REV1: variants seen among roughly 807,000 people sequenced by gnomAD.
REV1 encodes the protein REV1 DNA directed polymerase.
REV1 carries 42 observed loss-of-function variants against 137.4 expected under a neutral mutation model. The observed-to-expected ratio is 0.31, with a 90% CI of 0.24 to 0.40. REV1 has a LOEUF of 0.40. Among genes scored for constraint, REV1 ranks in the 10% least tolerant of loss-of-function variants. The probability of loss-of-function intolerance (pLI) is 1.00; values close to 1 mark genes in which losing one functional copy is unlikely to be tolerated. For missense variants in REV1, 1,282 were observed against 1,490.1 expected (o/e 0.86, Z 2.30); for synonymous variants, 524 against 519.2 (o/e 1.01, Z -0.12).
chr2:99,421,427 C>A, intron 11 of REV1, 72 bp downstream of exon 11: 1 of 1,436,270 alleles, frequency 7.0e-7, no homozygotes, highest in Non-Finnish European at 9.4e-7. Context: ...AAAAGAAAAA[C>A]TCCATAAAAT....
chr2:99,421,742 T>C, intron 10 of REV1, 89 bp from the exon 11 acceptor site: 2 of 1,345,064 alleles, frequency 1.5e-6, no homozygotes, highest in South Asian at 3.1e-5. Context: ...TATCCTCTCT[T>C]TTTTCTATTT....
intron 20 of REV1, 33 bp from the exon 21 acceptor site, chr2:99,402,833 T>C (rs201461170): frequency 6.2e-7 from 1 of 1,613,700 alleles, no homozygotes; most frequent in East Asian, 2.2e-5. Flanking sequence ...AATTGCTATA[T>C]TCACACATTA....
Position 99,487,318 on chromosome 2 carries a change from G to A in REV1, c.-11+2499C>T, listed in dbSNP as rs1687257780. Among the ~76,000 whole-genome samples, 2 of 51,626 alleles carry A rather than the reference G, an allele frequency of 3.9e-5. 1 individual carries two copies. The highest frequency in any genetic ancestry group is 8.6e-5 in the Non-Finnish European group (2 of 23,180). The allele number at this position is 51,626 out of a possible 152,430, so 33.9% of individuals were successfully genotyped here. ...ACAGGATGCTTTTAGAGGACACTAA[G>A]CAAGAAAGTGACAATCTGATTTACA... is the stretch of plus-strand genomic sequence containing the variant. On this transcript the variant is annotated intron_variant, in intron 1 of 22. Transcript: ENST00000258428.
Position 99,406,448 on chromosome 2 carries a change from G to C in REV1, c.2491C>G (p.Pro831Ala). ...GATGGGCGACTGGGACATGTGGAAG[G>C]GTTCAGATTAGTTGGAACCAACTGA... The part of the protein sequence containing the change: ...VNQLVPTNLN[P>A]STCPSRPSVQ... Residue 831 changes from proline (P) to alanine (A), a missense_variant, in exon 16 of 23, where the codon CCT becomes GCT. Transcript: ENST00000258428. The C allele has an allele frequency of 6.2e-7, 1 of 1,612,886 alleles. No homozygotes were observed. Among genetic ancestry groups the C allele is most frequent in the African/African-American group, 1.3e-5 (1 of 74,954 alleles).
At chr2:99,422,677 G>C (rs1312413239) in intron 10 of REV1, among the ~76,000 whole-genome samples, 1 of 152,154 alleles carries the variant, frequency 6.6e-6, no homozygotes, top group African/African-American at 2.4e-5. Flanking sequence ...ATTTCCCAAG[G>C]GTGGTAGAAG....
At chr2:99,481,390 TA>T (rs895345534) in intron 1 of REV1, among the ~76,000 whole-genome samples, 15 of 152,064 alleles carry the variant, frequency 9.9e-5, no homozygotes, top group South Asian at 2.1e-4. Flanking sequence ...ATTGTATCAA[TA>T]AAAAAAATGT....
At chr2:99,441,126 A>G (rs1461905964) in intron 5 of REV1, among the ~76,000 whole-genome samples, 1 of 93,786 alleles carries the variant, frequency 1.1e-5, no homozygotes, top group Non-Finnish European at 2.8e-5. Context: ...AAAGCTACGT[A>G]TTCTGTGAAA....
intron 8 of REV1, among the ~76,000 whole-genome samples, chr2:99,431,119 A>G (rs1680066459): frequency 6.6e-6 from 1 of 152,054 alleles, no homozygotes; most frequent in African/African-American, 2.4e-5. Context: ...GGCTTAAACA[A>G]CTCTTCCTGG....
chr2:99,426,789 G>A (rs1288501941), intron 9 of REV1, among the ~76,000 whole-genome samples: 1 of 152,150 alleles, frequency 6.6e-6, no homozygotes, highest in Non-Finnish European at 1.5e-5. Flanking sequence ...AGTGTATGCT[G>A]CAAAAACAGC....
Position 99,424,209 on chromosome 2 carries a change from G to A in REV1, c.1619C>T (p.Pro540Leu). 6.2e-7 allele frequency: 1 copy of A among 1,613,870 alleles called. No individual in the cohort carries two copies. Among genetic ancestry groups the A allele is most frequent in the African/African-American group, 1.3e-5 (1 of 75,016 alleles). ...TTCCTTATATGCATGAAAATCGTAT[G>A]GAACAGCTTGAAGATTAGGACATAG... ...KQLCPNLQAV[P>L]YDFHAYKEVA... The change falls in exon 10 of 23, where the codon CCA (proline) becomes CTA (leucine). Residue 540 changes from proline to leucine, a missense_variant. This residue lies in a region of REV1 where 372 missense variants were observed against 482.3 expected (regional missense o/e 0.77). Transcript: ENST00000258428.
intron 3 of REV1, among the ~76,000 whole-genome samples, chr2:99,458,072 C>G (rs1324016775): frequency 6.6e-6 from 1 of 152,100 alleles, no homozygotes; most frequent in Non-Finnish European, 1.5e-5. Flanking sequence ...CTTGCAAGCA[C>G]AATCCATAAA....
chr2:99,425,905 G>A (rs552412486), intron 9 of REV1, among the ~76,000 whole-genome samples: 50 of 152,036 alleles, frequency 3.3e-4, no homozygotes, highest in African/African-American at 1.0e-3. Context: ...AAGTGGTGGC[G>A]CATGCCTGTA....
intron 1 of REV1, among the ~76,000 whole-genome samples, chr2:99,486,008 CAGGCTACTCG>C (rs1430592041): frequency 1.3e-5 from 2 of 152,178 alleles, no homozygotes; most frequent in Non-Finnish European, 2.9e-5. Context: ...GCCTGTAGTG[CAGGCTACTCG>C]AGCGCCTGAG....
At chr2:99,449,787 A>G (rs1395930704) in intron 3 of REV1, among the ~76,000 whole-genome samples, 1 of 152,232 alleles carries the variant, frequency 6.6e-6, no homozygotes, top group Non-Finnish European at 1.5e-5. Flanking sequence ...TCAAATACTA[A>G]TAACAGTACA....
intron 3 of REV1, among the ~76,000 whole-genome samples, chr2:99,454,584 A>C (rs1297005206): frequency 3.1e-4 from 27 of 85,820 alleles, no homozygotes; most frequent in Admixed American, 2.5e-4. Context: ...AAAAAAAAAA[A>C]AAAAAAACCC....
In REV1 at chr2:99,426,737, C is replaced by T. The variant is rs374846518; in HGVS notation, c.1548-2457G>A. On this transcript the variant is annotated intron_variant, in intron 9 of 22. Coordinates refer to ENST00000258428, the MANE Select transcript of REV1 (RefSeq NM_016316.4). ...CTTCATTACCGTGACTCATCTATTA[C>T]AACTAAAATCCCATACAGGATAAAT... Among the ~76,000 whole-genome samples, 11 of 152,242 alleles carry T rather than the reference C, an allele frequency of 7.2e-5. No individual in the cohort carries two copies. In the East Asian group the frequency reaches 1.7e-3, roughly 24 times the overall value.
At chr2:99,441,427 G>A (rs1004592360) in intron 5 of REV1, among the ~76,000 whole-genome samples, 2 of 151,522 alleles carry the variant, frequency 1.3e-5, no homozygotes, top group Admixed American at 6.6e-5. Context: ...CCAATTAATT[G>A]TGAAACAATT....
chr2:99,477,452 G>A (rs1443066883), intron 1 of REV1, among the ~76,000 whole-genome samples: 4 of 152,080 alleles, frequency 2.6e-5, no homozygotes, highest in South Asian at 2.1e-4. Flanking sequence ...CACCTACTAC[G>A]GACTGCCTAT....
chr2:99,455,578 T>C (rs913978993), intron 3 of REV1, among the ~76,000 whole-genome samples: 7 of 152,202 alleles, frequency 4.6e-5, no homozygotes, highest in African/African-American at 9.7e-5. Context: ...TAAATTAATA[T>C]GGTAAGTCTT....
Sources: allele counts gnomAD v4.1 joint callset (sites outside exome capture counted in the v4.1 genomes callset), GRCh38; gene constraint gnomAD v4.1.1; regional missense constraint gnomAD v4.1.1; transcripts MANE v1.5; gene names NCBI Gene and HGNC (gene_info 2026-07-23, HGNC 2026-07-21).